DNAAF9: variants seen among roughly 807,000 people sequenced by gnomAD.
DNAAF9 encodes the protein dynein axonemal assembly factor 9, also known as shulin.
A neutral mutation model predicts 167.0 loss-of-function variants in DNAAF9; 90 were observed. That is an observed-to-expected ratio of 0.54 (90% CI 0.45 to 0.64). The LOEUF (loss-of-function observed/expected upper bound fraction) is 0.64, where lower values mean the gene tolerates loss of function less well. DNAAF9 is among the 30% of genes least tolerant of loss of function. The pLI is 0.00. For missense variants in DNAAF9, 1,315 were observed against 1,442.2 expected (o/e 0.91, Z 1.43); for synonymous variants, 491 against 508.8 (o/e 0.96, Z 0.47).
chr20:3,306,324 T>C (rs577921884), intron 20 of DNAAF9, among the ~76,000 whole-genome samples: 46 of 152,298 alleles, frequency 3.0e-4, no homozygotes, highest in African/African-American at 1.1e-3. Context: ...TTTTCCCCTA[T>C]TGCTCAGAAA....
At chr20:3,310,763 A>G (rs1226512736) in intron 20 of DNAAF9, among the ~76,000 whole-genome samples, 1 of 152,146 alleles carries the variant, frequency 6.6e-6, no homozygotes, top group Non-Finnish European at 1.5e-5. Flanking sequence ...AAGAACAAGC[A>G]TTTAACAGAA....
intron 29 of DNAAF9, among the ~76,000 whole-genome samples, chr20:3,276,599 A>G (rs545934373): frequency 6.6e-6 from 1 of 152,358 alleles, no homozygotes; most frequent in East Asian, 1.9e-4. Context: ...CCCTGATTCA[A>G]TGATGAAAAC....
intron 1 of DNAAF9, among the ~76,000 whole-genome samples, chr20:3,406,916 G>C (rs567887122): frequency 2.4e-4 from 37 of 152,166 alleles, no homozygotes; most frequent in Non-Finnish European, 4.3e-4. Flanking sequence ...CGTAGGGGGC[G>C]GGGGACACTC....
intron 1 of DNAAF9, among the ~76,000 whole-genome samples, chr20:3,399,504 G>A (rs1410410869): frequency 5.3e-5 from 8 of 152,170 alleles, no homozygotes; most frequent in South Asian, 2.1e-4. Context: ...CACTGCGCCC[G>A]GCCTCCTTTT....
chr20:3,296,873 T>C lies in DNAAF9; in HGVS notation c.2006A>G (p.Glu669Gly). 1 of 1,606,608 alleles carries C rather than the reference T, an allele frequency of 6.2e-7. No homozygotes were observed. ...AGCAGCCACTTACAATCTCTTTTGT[T>C]CCACAGATAATCCATCTTCCTGGAT... ...KVIQEDGLSV[E>G]QKRLHSSAQK... The change falls in exon 23 of 37, where the codon GAA becomes GGA. Residue 669 changes from glutamate to glycine, a missense_variant. Physicochemically the swap from Glu to Gly is moderately conservative, Grantham distance 98. This residue lies in a region of DNAAF9 where 981 missense variants were observed against 1,012.5 expected (regional missense o/e 0.97). Coordinates refer to ENST00000252032, the MANE Select transcript of DNAAF9 (RefSeq NM_001009984.3).
Position 3,343,672 on chromosome 20 carries a change from T to C in DNAAF9, c.845+4A>G. 6.2e-7 allele frequency: 1 copy of C among 1,609,312 alleles called. No individual in the cohort carries two copies. Among genetic ancestry groups the C allele is most frequent in the Non-Finnish European group, 8.5e-7 (1 of 1,176,934 alleles). On this transcript the variant is annotated splice_donor_region_variant and intron_variant, in intron 9 of 36. Coordinates refer to ENST00000252032, the MANE Select transcript of DNAAF9 (RefSeq NM_001009984.3). ...CGCCCTTCTTCCCCAAGAAAGAAACTTACCTGTTTTCAGTTATATGGCTAG... is the reference window on the plus strand; with the variant it reads ...CGCCCTTCTTCCCCAAGAAAGAAACCTACCTGTTTTCAGTTATATGGCTAG...
intron 7 of DNAAF9, among the ~76,000 whole-genome samples, chr20:3,351,427 T>C (rs1453474817): frequency 6.7e-6 from 1 of 150,208 alleles, no homozygotes; most frequent in African/African-American, 2.5e-5. Context: ...GAGGCTGGAG[T>C]GAGCCAAGAT....
At chr20:3,260,674 G>A (rs2068369681) in intron 31 of DNAAF9, among the ~76,000 whole-genome samples, 3 of 152,218 alleles carry the variant, frequency 2.0e-5, no homozygotes, top group South Asian at 4.2e-4. Context: ...CTGTTTCCCA[G>A]GCTGGAGTGC....
intron 7 of DNAAF9, among the ~76,000 whole-genome samples, chr20:3,354,966 A>G (rs1244320826): frequency 6.6e-6 from 1 of 152,082 alleles, no homozygotes; most frequent in Non-Finnish European, 1.5e-5. Context: ...GGTGCAATTA[A>G]AGATGCTCTC....
intron 25 of DNAAF9, among the ~76,000 whole-genome samples, chr20:3,292,492 C>T (rs1186840154): frequency 1.3e-5 from 2 of 151,864 alleles, no homozygotes; most frequent in East Asian, 1.9e-4. Flanking sequence ...CTGGGCTGGG[C>T]GCGGTGGCTC....
intron 21 of DNAAF9, among the ~76,000 whole-genome samples, chr20:3,302,269 C>T (rs2069203550): frequency 6.6e-6 from 1 of 152,126 alleles, no homozygotes; most frequent in Non-Finnish European, 1.5e-5. Context: ...TTAATTAATA[C>T]ATAATATGCA....
At chr20:3,264,934 T>G (rs115046685) in intron 30 of DNAAF9, among the ~76,000 whole-genome samples, 3 of 152,120 alleles carry the variant, frequency 2.0e-5, no homozygotes, top group African/African-American at 7.2e-5. Context: ...AGCATTTTTG[T>G]TTTTTTCTGC....
chr20:3,400,978 T>C (rs2083974892), intron 1 of DNAAF9, among the ~76,000 whole-genome samples: 1 of 152,222 alleles, frequency 6.6e-6, no homozygotes, highest in South Asian at 2.1e-4. Flanking sequence ...AACTGGAGGC[T>C]GAAGCTTCAC....
chr20:3,384,775 A>T (rs2083711191), intron 1 of DNAAF9, among the ~76,000 whole-genome samples: 1 of 152,154 alleles, frequency 6.6e-6, no homozygotes, highest in East Asian at 1.9e-4. Flanking sequence ...GGAATTTATC[A>T]CAGAGATACT....
At chr20:3,294,047 G>A in intron 25 of DNAAF9, 92 bp downstream of exon 25, 1 of 753,042 alleles carries the variant, frequency 1.3e-6, no homozygotes, top group Non-Finnish European at 2.4e-6. Flanking sequence ...CTCCATCTAA[G>A]TTCTTTTTGT....
intron 35 of DNAAF9, among the ~76,000 whole-genome samples, chr20:3,254,338 CA>C (rs2068242196): frequency 6.6e-6 from 1 of 152,158 alleles, no homozygotes; most frequent in Non-Finnish European, 1.5e-5. Flanking sequence ...CTCAGCCTCC[CA>C]AAGTGCTGGG....
intron 1 of DNAAF9, among the ~76,000 whole-genome samples, chr20:3,393,065 T>G (rs6051831): frequency 0.19 from 29,579 of 152,176 alleles, 3,063 homozygotes; most frequent in African/African-American, 0.24. Flanking sequence ...ACATTATACC[T>G]CAGAGATCTT....
intron 30 of DNAAF9, among the ~76,000 whole-genome samples, chr20:3,268,746 C>G (rs2068532447): frequency 6.6e-6 from 1 of 151,946 alleles, no homozygotes; most frequent in Admixed American, 6.6e-5. Context: ...GGTATATAAC[C>G]TTTTATCTGA....
chr20:3,307,228 A>T, intron 20 of DNAAF9: 1 of 851,426 alleles, frequency 1.2e-6, no homozygotes, highest in Non-Finnish European at 1.4e-6. Context: ...AATTCACAAG[A>T]CAGTGCTGGA....
Sources: gnomAD v4.1 joint callset for allele counts (sites outside exome capture counted in the v4.1 genomes callset) on GRCh38, gnomAD v4.1.1 for gene constraint, gnomAD v4.1.1 regional missense constraint, MANE v1.5 for transcripts, NCBI Gene and HGNC (gene_info 2026-07-23, HGNC 2026-07-21) for gene names.